The following TMBIM4 variants were observed in gnomAD, a reference collection of about 807,000 sequenced individuals.
TMBIM4 encodes the protein transmembrane BAX inhibitor motif containing 4, also known as protein lifeguard 4.
A neutral mutation model predicts 27.7 loss-of-function variants in TMBIM4; 28 were observed. The ratio of observed to expected loss-of-function variants is 1.01; its 90% CI spans 0.75 to 1.38. The LOEUF (loss-of-function observed/expected upper bound fraction) is 1.38, where lower values mean the gene tolerates loss of function less well. Among genes scored for constraint, TMBIM4 ranks in the 40% most tolerant of loss-of-function variants. The pLI is 0.00. For missense variants in TMBIM4, 265 were observed against 277.5 expected (o/e 0.95, Z 0.32); for synonymous variants, 115 against 113.1 (o/e 1.02, Z -0.11).
Position 66,169,301 on chromosome 12 carries a change from C to A in TMBIM4, c.97+554G>T, listed in dbSNP as rs181241661. 1.6e-5 allele frequency: 11 copies of A among 696,518 alleles called. No individual in the cohort carries two copies. In the African/African-American group the frequency reaches 1.9e-4, roughly 12 times the overall value. The allele number at this position is 696,518 out of a possible 1,614,324, so 43.1% of individuals were successfully genotyped here. A position where few individuals can be genotyped will look rare whatever the true frequency, so the allele number is the denominator to read the frequency against. ...CAATTTAGACTGACTTAGGAAGCTT[C>A]TGTGTTGAGCAACTTCCTCAATAAT... On this transcript the variant is annotated intron_variant, in intron 1 of 6. Transcript: ENST00000358230.
chr12:66,144,100 G>A (rs1039654918), intron 5 of TMBIM4, among the ~76,000 whole-genome samples: 3 of 152,078 alleles, frequency 2.0e-5, no homozygotes, highest in Non-Finnish European at 4.4e-5. Flanking sequence ...CTGTAATCAA[G>A]TTTCCATTTT....
intron 1 of TMBIM4, among the ~76,000 whole-genome samples, chr12:66,153,748 G>T (rs1405417709): frequency 1.3e-5 from 2 of 151,982 alleles, no homozygotes; most frequent in Admixed American, 1.3e-4. Flanking sequence ...TACACAGCAG[G>T]ATACAACATA....
chr12:66,143,575 C>G (rs1318549785), intron 5 of TMBIM4, among the ~76,000 whole-genome samples: 1 of 152,148 alleles, frequency 6.6e-6, no homozygotes, highest in Non-Finnish European at 1.5e-5. Context: ...CCACAGTTAT[C>G]ATATGTAGTT....
In TMBIM4 at chr12:66,158,593, C is replaced by G. The variant is rs534072194; in HGVS notation, c.98-5145G>C. 2.2e-3 allele frequency among the ~76,000 whole-genome samples: 337 copies of G among 150,438 alleles called. 1 individual carries two copies. Among genetic ancestry groups the G allele is most frequent in the African/African-American group, 8.1e-3 (329 of 40,846 alleles). ...GGAGGGAGTCAGAGCTTGCAGTGAG[C>G]GGAGATCACACCACTGCACTGCAGC... On this transcript the variant is annotated intron_variant, in intron 1 of 6. Coordinates refer to ENST00000358230, the MANE Select transcript of TMBIM4 (RefSeq NM_016056.4).
At chr12:66,149,506 T>G (rs1565784181) in intron 3 of TMBIM4, among the ~76,000 whole-genome samples, 1 of 150,734 alleles carries the variant, frequency 6.6e-6, no homozygotes, top group Non-Finnish European at 1.5e-5. Flanking sequence ...GCAACATGAT[T>G]ATACTATATT....
chr12:66,143,822 C>T (rs912703398), intron 5 of TMBIM4, among the ~76,000 whole-genome samples: 1 of 152,076 alleles, frequency 6.6e-6, no homozygotes, highest in African/African-American at 2.4e-5. Flanking sequence ...TCTTTATATC[C>T]ATTTTGGCAC....
intron 5 of TMBIM4, among the ~76,000 whole-genome samples, chr12:66,145,108 T>C (rs2051730030): frequency 6.6e-6 from 1 of 152,180 alleles, no homozygotes; most frequent in South Asian, 2.1e-4. Context: ...AATGAAACTA[T>C]TTAAGCAGCT....
intron 1 of TMBIM4, chr12:66,169,223 A>C: frequency 1.4e-6 from 1 of 697,432 alleles, no homozygotes; most frequent in Non-Finnish European, 2.6e-6. Flanking sequence ...GAAGCTGAGC[A>C]TTTTAAATTC....
Position 66,138,766 on chromosome 12 carries a change from C to A in TMBIM4, c.468G>T (p.Leu156=). 6.5e-7 allele frequency: 1 copy of A among 1,544,296 alleles called. No individual in the cohort carries two copies. Among genetic ancestry groups the A allele is most frequent in the Non-Finnish European group, 8.7e-7 (1 of 1,154,236 alleles). Residue 156 remains leucine (L), a synonymous_variant, in exon 6 of 7, where the codon CTG becomes CTT. Coordinates refer to ENST00000358230, the MANE Select transcript of TMBIM4 (RefSeq NM_016056.4). The stretch of plus-strand genomic sequence containing the variant: ...GGCACAATATCCACAAAAGAGCAAA[C>A]AGCCTATAAAAATACAATTTTAGTA... ...KKDFSKFGAG[L]FALLWILCLS...
rs534702168 is a variant in TMBIM4 at position 66,159,394 on chromosome 12, C to T, written c.98-5946G>A. Among the ~76,000 whole-genome samples the T allele has an allele frequency of 6.8e-4, 104 of 152,176 alleles. No homozygotes were observed. The South Asian group carries it at 0.021, about 31-fold the overall frequency. Reference sequence around the variant, plus strand: ...GTCAGTAGCCATGGGAATGAAATTTCCCAAAAGCAGATCCTCCAGCCCAGT... The same window carrying T: ...GTCAGTAGCCATGGGAATGAAATTTTCCAAAAGCAGATCCTCCAGCCCAGT... On this transcript the variant is annotated intron_variant, in intron 1 of 6. Coordinates refer to ENST00000358230, the MANE Select transcript of TMBIM4 (RefSeq NM_016056.4).
chr12:66,140,953 A>G (rs1275029297), intron 5 of TMBIM4, among the ~76,000 whole-genome samples: 3 of 152,220 alleles, frequency 2.0e-5, no homozygotes, highest in Admixed American at 6.5e-5. Flanking sequence ...CAGAAACTAC[A>G]TAAGTCAGAG....
intron 5 of TMBIM4, among the ~76,000 whole-genome samples, chr12:66,143,620 C>T (rs11176058): frequency 0.071 from 10,777 of 152,106 alleles, 983 homozygotes; most frequent in East Asian, 0.5. Context: ...AGAATTACCA[C>T]AGGATAATGA....
chr12:66,148,593 A>AT (rs1565783828), intron 3 of TMBIM4, among the ~76,000 whole-genome samples: 1 of 152,092 alleles, frequency 6.6e-6, no homozygotes, highest in Non-Finnish European at 1.5e-5. Context: ...TAATAACTGG[A>AT]TACTCTGTGG....
intron 1 of TMBIM4, chr12:66,161,287 G>T (rs1014721095): frequency 6.6e-6 from 1 of 152,470 alleles, no homozygotes; most frequent in Non-Finnish European, 1.5e-5. Flanking sequence ...GTCGCCCAGG[G>T]TGGAGTGCAG....
At chr12:66,143,574 T>C (rs1053063724) in intron 5 of TMBIM4, among the ~76,000 whole-genome samples, 2 of 152,140 alleles carry the variant, frequency 1.3e-5, no homozygotes, top group Non-Finnish European at 2.9e-5. Flanking sequence ...GCCACAGTTA[T>C]CATATGTAGT....
intron 1 of TMBIM4, among the ~76,000 whole-genome samples, chr12:66,166,780 A>G (rs1028999939): frequency 8.5e-5 from 13 of 152,222 alleles, no homozygotes; most frequent in African/African-American, 3.1e-4. Flanking sequence ...CAACACGGCA[A>G]TTGTGCTGCT....
At chr12:66,155,335 T>TGTGAGAGAGAGAGAGAGA (rs141188662) in intron 1 of TMBIM4, among the ~76,000 whole-genome samples, 3 of 131,712 alleles carry the variant, frequency 2.3e-5, no homozygotes, top group Non-Finnish European at 3.4e-5. Flanking sequence ...TGCACACGTG[T>TGTGAGAGAGAGAGAGAGA]GAGAGAGAGA....
At position 66,145,925 on chromosome 12, in the gene TMBIM4, G is replaced by A. The variant is rs748475033; in HGVS notation, c.380C>T (p.Ala127Val). The part of the protein sequence containing the change: ...TFYDVYIILQ[A>V]FILTTTVFFG... ...AAATACTGTAGTAGTCAGTATGAAA[G>A]CTTGCAGAATAATATATACATCATA... Residue 127 changes from alanine (A) to valine (V), a missense_variant, in exon 5 of 7, where the codon GCT becomes GTT. Ala to Val is a moderately conservative substitution (Grantham distance 64, BLOSUM62 0). Coordinates refer to ENST00000358230, the MANE Select transcript of TMBIM4 (RefSeq NM_016056.4). 25 of 1,592,404 alleles carry A rather than the reference G, an allele frequency of 1.6e-5. No individual in the cohort carries two copies. Among genetic ancestry groups the A allele is most frequent in the Non-Finnish European group, 2.1e-5 (24 of 1,161,970 alleles).
intron 1 of TMBIM4, among the ~76,000 whole-genome samples, chr12:66,157,126 C>A (rs2051949723): frequency 6.6e-6 from 1 of 152,050 alleles, no homozygotes; most frequent in Non-Finnish European, 1.5e-5. Context: ...AGGATATACA[C>A]CATTATAAAA....
Sources: allele counts gnomAD v4.1 joint callset (sites outside exome capture counted in the v4.1 genomes callset), GRCh38; gene constraint gnomAD v4.1.1; transcripts MANE v1.5; gene names NCBI Gene and HGNC (gene_info 2026-07-23, HGNC 2026-07-21).